Variants in DCK observed in about 807,000 individuals in gnomAD.
DCK encodes deoxycytidine kinase, also known as deoxyadenosine kinase.
Under a neutral mutation model 38.3 loss-of-function variants are expected in DCK, and 23 were observed. The ratio of observed to expected loss-of-function variants is 0.60; its 90% CI spans 0.43 to 0.85. The LOEUF (loss-of-function observed/expected upper bound fraction) is 0.85. Among genes scored for constraint, DCK ranks in the 40% least tolerant of loss-of-function variants. The probability of loss-of-function intolerance (pLI) is 0.00; values close to 1 mark genes in which losing one functional copy is unlikely to be tolerated. For missense variants in DCK, 259 were observed against 304.4 expected (o/e 0.85, Z 1.11); for synonymous variants, 108 against 100.6 (o/e 1.07, Z -0.44).
intron 2 of DCK, among the ~76,000 whole-genome samples, chr4:70,998,928 A>C (rs964808359): frequency 6.6e-6 from 1 of 151,484 alleles, no homozygotes. Flanking sequence ...GTCTCAACAA[A>C]AAAAAAAAAA....
chr4:71,015,368 G>C (rs1169323944), intron 2 of DCK, among the ~76,000 whole-genome samples: 1 of 152,190 alleles, frequency 6.6e-6, no homozygotes, highest in Non-Finnish European at 1.5e-5. Context: ...GGAGGAGCTG[G>C]TACCATTCCT....
At position 71,030,668 on chromosome 4, in the gene DCK, A is replaced by G. The variant is rs1040098395; in HGVS notation, c.*1290A>G. The G allele has an allele frequency of 6.6e-6, 1 of 152,124 alleles. No individual in the cohort carries two copies. Among genetic ancestry groups the G allele is most frequent in the African/African-American group, 2.4e-5 (1 of 41,452 alleles). The allele number at this position is 152,124 out of a possible 1,614,324, so 9.4% of individuals were successfully genotyped here. On this transcript the variant is annotated 3_prime_UTR_variant, in exon 7 of 7. Transcript: ENST00000286648. ...ACCTTATGAACTACAGTGGAGCTAC[A>G]CTCATTGAAATGTAATTTCAGTTCT...
chr4:70,993,913 C>T lies in DCK; in HGVS notation c.78C>T (p.Ile26=). The change falls in exon 1 of 7, where the codon ATC becomes ATT. Residue 26 remains isoleucine, a synonymous_variant. Transcript: ENST00000286648. ...GGACCCGCATCAAGAAAATCTCCAT[C>T]GAAGGGAACATCGGTAAGGAGCCTC... The part of the protein sequence containing the change: ...SEGTRIKKIS[I]EGNIAAGKST... 1 of 1,612,962 alleles carries T rather than the reference C, an allele frequency of 6.2e-7. No individual in the cohort carries two copies.
chr4:71,018,126 C>CTTT (rs35755135), intron 2 of DCK, among the ~76,000 whole-genome samples: 55 of 126,794 alleles, frequency 4.3e-4, no homozygotes, highest in Non-Finnish European at 6.5e-4. Flanking sequence ...TAGATTATTT[C>CTTT]TTTTTTTTTT....
chr4:71,023,847 A>G (rs1740487435), intron 4 of DCK, 141 bp downstream of exon 4: 3 of 675,688 alleles, frequency 4.4e-6, no homozygotes, highest in African/African-American at 3.7e-5. Flanking sequence ...GAAACTTGTA[A>G]CTGTGTAGAT....
At chr4:71,020,620 C>CT (rs1056332870) in intron 2 of DCK, among the ~76,000 whole-genome samples, 5 of 151,494 alleles carry the variant, frequency 3.3e-5, no homozygotes, top group Non-Finnish European at 7.4e-5. Context: ...TAAAATGGGA[C>CT]TTTTTTTTTC....
chr4:71,001,087 T>C (rs1739790363), intron 2 of DCK, among the ~76,000 whole-genome samples: 1 of 152,114 alleles, frequency 6.6e-6, no homozygotes, highest in Non-Finnish European at 1.5e-5. Flanking sequence ...ATCCTTATCC[T>C]GTGCCGATTT....
intron 2 of DCK, among the ~76,000 whole-genome samples, chr4:71,010,038 C>G (rs1230008399): frequency 6.6e-6 from 1 of 152,044 alleles, no homozygotes; most frequent in African/African-American, 2.4e-5. Context: ...GTCAGTCCTA[C>G]TTTGATGTTC....
chr4:71,015,563 C>A (rs1049109261), intron 2 of DCK, among the ~76,000 whole-genome samples: 1 of 152,196 alleles, frequency 6.6e-6, no homozygotes, highest in African/African-American at 2.4e-5. Flanking sequence ...AATCCAGCAG[C>A]ACATCAAAAA....
At chr4:71,003,832 G>A (rs1739870970) in intron 2 of DCK, among the ~76,000 whole-genome samples, 1 of 152,142 alleles carries the variant, frequency 6.6e-6, no homozygotes, top group Admixed American at 6.5e-5. Context: ...TCTGTAAACT[G>A]GTTATTCTAG....
intron 2 of DCK, among the ~76,000 whole-genome samples, chr4:71,011,232 C>CT (rs11322673): frequency 0.011 from 1,041 of 92,410 alleles, 9 homozygotes; most frequent in African/African-American, 0.018. Context: ...TGTGAGGTCT[C>CT]TTTTTTTTTT....
chr4:71,014,495 C>G (rs1740200877), intron 2 of DCK, among the ~76,000 whole-genome samples: 1 of 152,176 alleles, frequency 6.6e-6, no homozygotes, highest in Admixed American at 6.5e-5. Flanking sequence ...CGCACTTATT[C>G]CAAAATTGAC....
At chr4:70,998,223 T>TA (rs747283213) in intron 2 of DCK, 41 bp downstream of exon 2, 1 of 971,136 alleles carries the variant, frequency 1.0e-6, no homozygotes, top group Non-Finnish European at 1.6e-6. Flanking sequence ...CCTCTTGGTT[T>TA]AGAGGAGCAG....
chr4:71,011,297 A>C (rs1396900985), intron 2 of DCK, among the ~76,000 whole-genome samples: 1 of 149,546 alleles, frequency 6.7e-6, no homozygotes, highest in Admixed American at 6.7e-5. Flanking sequence ...GTCATTCTTG[A>C]AAATTAGTTA....
chr4:71,022,006 A>G (rs1419333869), intron 2 of DCK, among the ~76,000 whole-genome samples: 6 of 152,080 alleles, frequency 3.9e-5, no homozygotes, highest in Non-Finnish European at 8.8e-5. Flanking sequence ...CATCTCAAAA[A>G]AGAAAAAAAA....
chr4:71,025,828 A>G lies in DCK; in HGVS notation c.562A>G (p.Arg188Gly). The part of the protein sequence containing the change: ...LQATPETCLH[R>G]IYLRGRNEEQ... ...TACTTGCTTTTAGACATGCTTACAT[A>G]GAATATATTTACGGGGAAGAAATGA... The change falls in exon 5 of 7, where the codon AGA becomes GGA. Residue 188 changes from arginine (R) to glycine (G), a missense_variant. Around this residue, in one of 3 missense-constraint regions of DCK, gnomAD observed 82 missense variants for 103.8 expected, o/e 0.79. Transcript: ENST00000286648. 1 of 1,608,304 alleles carries G rather than the reference A, an allele frequency of 6.2e-7. No individual in the cohort carries two copies. Among genetic ancestry groups the G allele is most frequent in the Non-Finnish European group, 8.5e-7 (1 of 1,177,814 alleles).
chr4:71,008,245 C>G (rs762928143), intron 2 of DCK, among the ~76,000 whole-genome samples: 1 of 152,170 alleles, frequency 6.6e-6, no homozygotes, highest in Non-Finnish European at 1.5e-5. Flanking sequence ...TTCTCTCCCC[C>G]CAGTGTAATC....
intron 1 of DCK, among the ~76,000 whole-genome samples, chr4:70,995,565 C>T (rs2148911087): frequency 6.6e-6 from 1 of 151,846 alleles, no homozygotes; most frequent in African/African-American, 2.4e-5. Context: ...GGTGACAGAG[C>T]AAGACTCTGT....
At position 70,995,338 on chromosome 4, in the gene DCK, G is replaced by T. The variant is rs1484069973; in HGVS notation, c.91+1412G>T. 1.1e-4 allele frequency among the ~76,000 whole-genome samples: 17 copies of T among 152,210 alleles called. 1 individual carries two copies. Among genetic ancestry groups the T allele is most frequent in the Admixed American group, 1.1e-3 (17 of 15,282 alleles). ...ATGGAGGCTCATACTTGTAATCCCAGGATTTGGGGAGGCTTAGGCAAGAGG... is the reference window on the plus strand; with the variant it reads ...ATGGAGGCTCATACTTGTAATCCCATGATTTGGGGAGGCTTAGGCAAGAGG... On this transcript the variant is annotated intron_variant, in intron 1 of 6. Coordinates refer to ENST00000286648, the MANE Select transcript of DCK (RefSeq NM_000788.3).
Sources: gnomAD v4.1 joint callset for allele counts (sites outside exome capture counted in the v4.1 genomes callset) on GRCh38, gnomAD v4.1.1 for gene constraint, gnomAD v4.1.1 regional missense constraint, MANE v1.5 for transcripts, NCBI Gene and HGNC (gene_info 2026-07-23, HGNC 2026-07-21) for gene names.